The following MYO3B variants were observed in gnomAD, a reference collection of about 807,000 sequenced individuals.
MYO3B encodes myosin IIIB, also known as myosin-IIIb.
In MYO3B, 156 loss-of-function variants were observed where a neutral mutation model predicts 174.6. That is an observed-to-expected ratio of 0.89 (90% confidence interval 0.78 to 1.02). MYO3B has a LOEUF of 1.02. Among genes scored for constraint, MYO3B ranks in the 50% least tolerant of loss-of-function variants. The pLI is 0.00. For synonymous variants in MYO3B, 563 were observed against 569.1 expected, an observed-to-expected ratio of 0.99 and a Z score of 0.15; for missense variants, 1,632 against 1,639.4, an observed-to-expected ratio of 1.00 and a Z score of 0.08.
intron 3 of MYO3B, among the ~76,000 whole-genome samples, chr2:170,205,809 GT>G (rs1247934402): frequency 6.6e-6 from 1 of 151,730 alleles, no homozygotes; most frequent in African/African-American, 2.4e-5. Context: ...TAGAATGCCA[GT>G]CTGAACATTG....
intron 30 of MYO3B, among the ~76,000 whole-genome samples, chr2:170,539,382 A>G (rs1317189408): frequency 6.6e-6 from 1 of 152,204 alleles, no homozygotes; most frequent in Non-Finnish European, 1.5e-5. Flanking sequence ...GTGATATTAC[A>G]TACTTCATGT....
At chr2:170,213,882 G>A (rs1266731469) in intron 3 of MYO3B, among the ~76,000 whole-genome samples, 1 of 152,134 alleles carries the variant, frequency 6.6e-6, no homozygotes, top group African/African-American at 2.4e-5. Context: ...TTGGGCTTCT[G>A]ATACGTGCTA....
chr2:170,202,674 T>C (rs1361642040), intron 3 of MYO3B, among the ~76,000 whole-genome samples: 2 of 152,212 alleles, frequency 1.3e-5, no homozygotes, highest in African/African-American at 4.8e-5. Flanking sequence ...ACTGGGATCG[T>C]AGCACTTCCT....
At chr2:170,458,639 A>G (rs991464533) in intron 23 of MYO3B, among the ~76,000 whole-genome samples, 5 of 152,236 alleles carry the variant, frequency 3.3e-5, no homozygotes, top group African/African-American at 9.6e-5. Flanking sequence ...ACAAACTCTT[A>G]GGCTACACAA....
At chr2:170,385,603 A>G (rs1222328102) in intron 12 of MYO3B, among the ~76,000 whole-genome samples, 1 of 152,178 alleles carries the variant, frequency 6.6e-6, no homozygotes, top group Admixed American at 6.5e-5. Flanking sequence ...TGGGCAAACA[A>G]TACGGACAGG....
At chr2:170,409,808 T>G (rs1165544331) in intron 22 of MYO3B, among the ~76,000 whole-genome samples, 2 of 152,258 alleles carry the variant, frequency 1.3e-5, no homozygotes, top group Non-Finnish European at 2.9e-5. Flanking sequence ...CTAATTTATC[T>G]CCTTATGACA....
intron 32 of MYO3B, among the ~76,000 whole-genome samples, chr2:170,598,493 C>T (rs537023676): frequency 6.6e-6 from 1 of 152,230 alleles, no homozygotes; most frequent in Admixed American, 6.5e-5. Context: ...TTGAATCTCT[C>T]AGCCTTCCAG....
intron 18 of MYO3B, 135 bp from the exon 19 acceptor site, chr2:170,402,713 G>T: frequency 3.0e-6 from 2 of 662,696 alleles, no homozygotes; most frequent in Admixed American, 3.1e-5. Flanking sequence ...CTTTTCTTAG[G>T]GGTGGCAGGA....
chr2:170,379,383 C>T (rs145799899), intron 9 of MYO3B, among the ~76,000 whole-genome samples: 46 of 152,018 alleles, frequency 3.0e-4, no homozygotes, highest in African/African-American at 1.1e-3. Flanking sequence ...TTGGTAGAGA[C>T]GGGATTTCAC....
chr2:170,379,632 T>C (rs939693991), intron 9 of MYO3B, among the ~76,000 whole-genome samples: 6 of 152,242 alleles, frequency 3.9e-5, no homozygotes, highest in African/African-American at 1.4e-4. Context: ...CTCTGAGTTT[T>C]AGTAAAAATC....
At chr2:170,433,989 T>C (rs1237508001) in intron 22 of MYO3B, among the ~76,000 whole-genome samples, 3 of 152,306 alleles carry the variant, frequency 2.0e-5, no homozygotes, top group East Asian at 1.9e-4. Flanking sequence ...TGTAGATAAA[T>C]GCTAAGGGAG....
At chr2:170,571,654 G>C (rs1692447311) in intron 32 of MYO3B, among the ~76,000 whole-genome samples, 2 of 152,198 alleles carry the variant, frequency 1.3e-5, no homozygotes, top group Admixed American at 6.5e-5. Flanking sequence ...GGCTGTCACT[G>C]TGGTCCAAGC....
chr2:170,383,046 C>A, intron 10 of MYO3B, 27 bp from the exon 11 acceptor site: 1 of 1,382,564 alleles, frequency 7.2e-7, no homozygotes, highest in Non-Finnish European at 1.0e-6. Flanking sequence ...ATAATATTTA[C>A]CTCAATACCA....
At chr2:170,361,346 T>C (rs2094159622) in intron 8 of MYO3B, among the ~76,000 whole-genome samples, 2 of 152,122 alleles carry the variant, frequency 1.3e-5, no homozygotes, top group African/African-American at 4.8e-5. Flanking sequence ...CCTGGAGAAA[T>C]ATCTGGTTAA....
chr2:170,530,299 T>C (rs953333821), intron 30 of MYO3B, among the ~76,000 whole-genome samples: 3 of 152,134 alleles, frequency 2.0e-5, no homozygotes, highest in African/African-American at 7.2e-5. Context: ...AAAATTCTAA[T>C]GGCCTAAGAT....
At chr2:170,237,033 A>G (rs188707183) in intron 7 of MYO3B, among the ~76,000 whole-genome samples, 5 of 152,324 alleles carry the variant, frequency 3.3e-5, no homozygotes, top group Non-Finnish European at 5.9e-5. Context: ...TCATAATTTT[A>G]TCATTTTATA....
At position 170,561,080 on chromosome 2, in the gene MYO3B, C is replaced by A. The variant is rs114458666; in HGVS notation, c.3733+17092C>A. ...CAAGGTACCTCCCTTCTCTTGTGTG[C>A]TGCTTATTCTTTGCCCTAGACCCAC... On this transcript the variant is annotated intron_variant, in intron 32 of 34. Transcript: ENST00000408978. Among the ~76,000 whole-genome samples, 313 of 152,320 alleles carry A rather than the reference C, an allele frequency of 2.1e-3. 3 individuals carry two copies. Among genetic ancestry groups the A allele is most frequent in the African/African-American group, 6.9e-3 (285 of 41,568 alleles).
intron 7 of MYO3B, among the ~76,000 whole-genome samples, chr2:170,310,950 C>G (rs751574945): frequency 1.3e-5 from 2 of 152,064 alleles, no homozygotes; most frequent in Non-Finnish European, 2.9e-5. Flanking sequence ...GAAACAGTCT[C>G]TCAGGTTAAA....
chr2:170,458,995 T>C (rs1684073871), intron 23 of MYO3B, among the ~76,000 whole-genome samples: 1 of 152,094 alleles, frequency 6.6e-6, no homozygotes, highest in African/African-American at 2.4e-5. Context: ...TGTCCAGAGT[T>C]TGTTTGTTCC....
Sources: gnomAD v4.1 joint callset for allele counts (sites outside exome capture counted in the v4.1 genomes callset) on GRCh38, gnomAD v4.1.1 for gene constraint, MANE v1.5 for transcripts, NCBI Gene and HGNC (gene_info 2026-07-23, HGNC 2026-07-21) for gene names.